Variants in SLC5A10 observed in about 807,000 individuals in gnomAD.
SLC5A10 encodes solute carrier family 5 member 10.
SLC5A10 carries 55 observed loss-of-function variants against 68.9 expected under a neutral mutation model. The ratio of observed to expected loss-of-function variants is 0.80; its 90% CI spans 0.64 to 1.00. The LOEUF is 1.00. Ranked by LOEUF, SLC5A10 falls within the 50% of genes least tolerant of loss-of-function variation. SLC5A10 has a pLI of 0.00. For synonymous variants in SLC5A10, 344 were observed against 344.8 expected (o/e 1.00, Z 0.02); for missense variants, 732 against 819.3 (o/e 0.89, Z 1.30).
Position 19,020,740 on chromosome 17 carries a change from A to T in SLC5A10, c.*309A>T. On this transcript the variant is annotated 3_prime_UTR_variant, in exon 15 of 15. Coordinates refer to ENST00000395645, the MANE Select transcript of SLC5A10 (RefSeq NM_001042450.4). ...TGAATACACAGGCTGGGTCAGGAGC[A>T]GTGAGATTTGCCAGCACTCAGGGTT... 3 of 381,490 alleles carry T rather than the reference A, an allele frequency of 7.9e-6. No homozygotes were observed. Among genetic ancestry groups the T allele is most frequent in the Non-Finnish European group, 9.9e-6 (2 of 202,356 alleles). 23.6% of individuals were successfully genotyped at this position (381,490 alleles called of 1,614,324 possible). A position where few individuals can be genotyped will look rare whatever the true frequency, so the allele number is the denominator to read the frequency against.
intron 9 of SLC5A10, among the ~76,000 whole-genome samples, chr17:18,981,246 G>A (rs947134819): frequency 6.6e-6 from 1 of 152,146 alleles, no homozygotes; most frequent in Non-Finnish European, 1.5e-5. Context: ...GTCACAGGGG[G>A]AGGTGGGGAA....
chr17:18,952,041 A>C, upstream of SLC5A10: 1 of 1,184,526 alleles, frequency 8.4e-7, no homozygotes, highest in African/African-American at 1.5e-5. Context: ...AGGAAGCTGA[A>C]CTGCATGGTG....
In SLC5A10 at chr17:19,020,417, GC is replaced by G. The variant is rs978877420; in HGVS notation, c.1779del (p.Tyr594ThrfsTer68). 2 of 1,613,658 alleles carry G rather than the reference GC, an allele frequency of 1.2e-6. No individual in the cohort carries two copies. The highest frequency in any genetic ancestry group is 8.5e-7 in the Non-Finnish European group (1 of 1,179,968). The stretch of plus-strand genomic sequence containing the variant: ...CATGTGTGTCAACATATTCTTTTAT[GC>G]CTACTTCGCCTGACACTGCCATCCT... ...LLMCVNIFFY[A>X]YFA On this transcript the variant is annotated frameshift_variant, in exon 15 of 15. Coordinates refer to ENST00000395645, the MANE Select transcript of SLC5A10 (RefSeq NM_001042450.4). LOFTEE classifies it high-confidence loss of function.
At chr17:18,956,233 A>G (rs978112148) in intron 1 of SLC5A10, among the ~76,000 whole-genome samples, 1 of 151,152 alleles carries the variant, frequency 6.6e-6, no homozygotes, top group Admixed American at 6.6e-5. Context: ...ATAAATAAAT[A>G]AATAAATAAC....
Position 19,022,312 on chromosome 17 carries a change from T to G in SLC5A10, c.*1881T>G, listed in dbSNP as rs1445484048. 4.2e-6 allele frequency: 2 copies of G among 478,054 alleles called. No homozygotes were observed. The highest frequency in any genetic ancestry group is 7.6e-6 in the Non-Finnish European group (2 of 264,276). The allele number at this position is 478,054 out of a possible 1,614,324, so 29.6% of individuals were successfully genotyped here. Reference sequence around the variant, plus strand: ...ATGGTAGTGCCACCACTGGGCCTCCTGCTGCCCACACCCCTGCCTGTCTGC... The same window carrying G: ...ATGGTAGTGCCACCACTGGGCCTCCGGCTGCCCACACCCCTGCCTGTCTGC... On this transcript the variant is annotated 3_prime_UTR_variant, in exon 15 of 15. Coordinates refer to ENST00000395645, the MANE Select transcript of SLC5A10 (RefSeq NM_001042450.4).
intron 9 of SLC5A10, chr17:18,979,016 G>A (rs1048664370): frequency 2.1e-5 from 16 of 746,100 alleles, no homozygotes; most frequent in Admixed American, 2.0e-4. Context: ...AGACTGAGTC[G>A]GATGTCAAGC....
chr17:18,986,686 GC>G (rs1451156863), intron 9 of SLC5A10, among the ~76,000 whole-genome samples: 2 of 152,230 alleles, frequency 1.3e-5, no homozygotes, highest in East Asian at 3.8e-4. Context: ...GGAGTGGCTG[GC>G]CCCAGGTTAG....
chr17:18,967,687 C>T (rs2042739208), intron 5 of SLC5A10, among the ~76,000 whole-genome samples: 2 of 152,344 alleles, frequency 1.3e-5, no homozygotes, highest in East Asian at 1.9e-4. Flanking sequence ...TGCTCCCTCT[C>T]GGCCTTCCCT....
At chr17:18,981,309 G>T (rs1004224841) in intron 9 of SLC5A10, among the ~76,000 whole-genome samples, 13 of 152,032 alleles carry the variant, frequency 8.6e-5, no homozygotes, top group Non-Finnish European at 1.9e-4. Context: ...TTGTACAAGA[G>T]CACCTCAGGG....
chr17:18,978,141 T>G, intron 9 of SLC5A10: 2 of 1,529,820 alleles, frequency 1.3e-6, no homozygotes, highest in Non-Finnish European at 1.8e-6. Flanking sequence ...ACAGGGACTG[T>G]CCGGGGCTTG....
At chr17:18,980,716 C>T (rs1175893213) in intron 9 of SLC5A10, among the ~76,000 whole-genome samples, 2 of 152,140 alleles carry the variant, frequency 1.3e-5, no homozygotes, top group Non-Finnish European at 2.9e-5. Flanking sequence ...CGAGGATGGC[C>T]AAGGGCATCC....
At chr17:18,979,375 C>G (rs1004702126) in intron 9 of SLC5A10, 46 of 792,270 alleles carry the variant, frequency 5.8e-5, no homozygotes, top group Non-Finnish European at 6.4e-5. Context: ...AGACAAAGCC[C>G]TTCTCTGCCT....
chr17:18,951,365 C>A (rs946778132), upstream of SLC5A10, among the ~76,000 whole-genome samples: 2 of 73,302 alleles, frequency 2.7e-5, no homozygotes, highest in South Asian at 4.1e-4. Context: ...TGGCGGATGG[C>A]CATTTCCTTG....
In SLC5A10 at chr17:18,959,663, G is replaced by A. The variant is rs1567777581; in HGVS notation, c.348G>A (p.Glu116=). The A allele has an allele frequency of 1.2e-6, 2 of 1,613,972 alleles. No individual in the cohort carries two copies. Among genetic ancestry groups the A allele is most frequent in the South Asian group, 1.1e-5 (1 of 91,090 alleles). ...TCGTGCCCATCTACATCTCCTCAGA[G>A]GTGAGTCTACTCATGGGGCCTCCAG... ...WVFVPIYISS[E]IVTLPEYIQK... Residue 116 remains glutamate, a splice_region_variant and synonymous_variant, in exon 4 of 15, where the codon GAG becomes GAA. Coordinates refer to ENST00000395645, the MANE Select transcript of SLC5A10 (RefSeq NM_001042450.4).
In SLC5A10 at chr17:18,960,551, G is replaced by A. The variant is rs267604770; in HGVS notation, c.352G>A (p.Val118Ile). ...FVPIYISSEI[V>I]TLPEYIQKRY... is the part of the protein sequence containing the mutation. ...CCCTACCCATGTGCCTTCCCAGATC[G>A]TCACCTTACCTGAGTACATTCAGAA... Residue 118 changes from valine to isoleucine, a missense_variant, in exon 5 of 15, where the codon GTC (valine) becomes ATC (isoleucine). Physicochemically the swap from Val to Ile is conservative, Grantham distance 29 (BLOSUM62 3). Coordinates refer to ENST00000395645, the MANE Select transcript of SLC5A10 (RefSeq NM_001042450.4). 2.0e-5 allele frequency: 32 copies of A among 1,613,880 alleles called. No individual in the cohort carries two copies. The highest frequency in any genetic ancestry group is 2.4e-5 in the Non-Finnish European group (28 of 1,179,930).
At chr17:18,980,478 G>T (rs1470986420) in intron 9 of SLC5A10, among the ~76,000 whole-genome samples, 1 of 152,178 alleles carries the variant, frequency 6.6e-6, no homozygotes, top group Non-Finnish European at 1.5e-5. Flanking sequence ...TCAGCTCCAA[G>T]GCCAGGTCGT....
chr17:19,019,608 T>C lies in SLC5A10; in HGVS notation c.1410+17T>C, dbSNP rs779729364. 21 of 1,609,540 alleles carry C rather than the reference T, an allele frequency of 1.3e-5. No homozygotes were observed. In the East Asian group the frequency reaches 4.0e-4, roughly 31 times the overall value. On this transcript the variant is annotated intron_variant, in intron 12 of 14. Coordinates refer to ENST00000395645, the MANE Select transcript of SLC5A10 (RefSeq NM_001042450.4). Reference sequence around the variant, plus strand: ...AACGAGCAGGTGGGCGTCGGCGGTCTGCTCTCCCTGGGGACGTGCCACAAT... The same window carrying C: ...AACGAGCAGGTGGGCGTCGGCGGTCCGCTCTCCCTGGGGACGTGCCACAAT...
At chr17:18,969,528 T>A in intron 7 of SLC5A10, 106 bp downstream of exon 7, 1 of 1,113,484 alleles carries the variant, frequency 9.0e-7, no homozygotes, top group Non-Finnish European at 1.3e-6. Context: ...GGGTTCTGGG[T>A]AGCATCGCTG....
At chr17:18,984,280 T>C (rs2043210806) in intron 9 of SLC5A10, among the ~76,000 whole-genome samples, 1 of 143,928 alleles carries the variant, frequency 6.9e-6, no homozygotes, top group Admixed American at 7.2e-5. Context: ...AGGCAGAGCT[T>C]GCAGTTCACG....
Sources: gnomAD v4.1 joint callset for allele counts (sites outside exome capture counted in the v4.1 genomes callset) on GRCh38, gnomAD v4.1.1 for gene constraint, MANE v1.5 for transcripts, NCBI Gene and HGNC (gene_info 2026-07-23, HGNC 2026-07-21) for gene names.